Variants in SPTBN4 observed in about 807,000 individuals in gnomAD.
SPTBN4 encodes spectrin beta, non-erythrocytic 4.
In SPTBN4, 96 loss-of-function variants were observed where a neutral mutation model predicts 277.8. That is an observed-to-expected ratio of 0.35 (90% CI 0.29 to 0.41). SPTBN4 has a LOEUF of 0.41. SPTBN4 is among the 10% of genes least tolerant of loss of function. SPTBN4 has a pLI of 1.00. For missense variants in SPTBN4, 3,006 were observed against 3,595.7 expected, an observed-to-expected ratio of 0.84 and a Z score of 4.19; for synonymous variants, 1,481 against 1,580.3, an observed-to-expected ratio of 0.94 and a Z score of 1.49.
chr19:40,569,651 C>T lies in SPTBN4; in HGVS notation c.6957-6C>T. On this transcript the variant is annotated splice_region_variant and splice_polypyrimidine_tract_variant and intron_variant, in intron 31 of 35. Coordinates refer to ENST00000598249, the MANE Select transcript of SPTBN4 (RefSeq NM_020971.3). ...TCACTGGGTCTTTCTGTCCCCCATC[C>T]CCCAGGAAGGCCACCCTGGCTGACA... 4.3e-6 allele frequency: 7 copies of T among 1,612,316 alleles called. No individual in the cohort carries two copies. Among genetic ancestry groups the T allele is most frequent in the Non-Finnish European group, 5.9e-6 (7 of 1,179,350 alleles).
At chr19:40,488,629 G>GGTTT (rs751151203) in intron 3 of SPTBN4, among the ~76,000 whole-genome samples, 25 of 152,088 alleles carry the variant, frequency 1.6e-4, no homozygotes, top group Admixed American at 3.3e-4. Context: ...CCGTCTCTAC[G>GGTTT]GTTTGTTTGT....
At chr19:40,524,387 G>A in intron 17 of SPTBN4, among the ~76,000 whole-genome samples, 1 of 151,628 alleles carries the variant, frequency 6.6e-6, no homozygotes, top group Non-Finnish European at 1.5e-5. Flanking sequence ...CGTGCCTGTA[G>A]TCCCAGCTAC....
intron 22 of SPTBN4, among the ~76,000 whole-genome samples, chr19:40,553,168 AG>A (rs1334547585): frequency 6.6e-6 from 1 of 152,230 alleles, no homozygotes; most frequent in Admixed American, 6.5e-5. Context: ...GGCAGGTAGC[AG>A]GGTAGCAGAC....
intron 18 of SPTBN4, among the ~76,000 whole-genome samples, chr19:40,530,328 G>A (rs2080649527): frequency 6.6e-6 from 1 of 152,040 alleles, no homozygotes; most frequent in Non-Finnish European, 1.5e-5. Context: ...ATCTGAGATG[G>A]CGCAGAAGCC....
At chr19:40,552,896 C>A (rs4332846) in intron 22 of SPTBN4, among the ~76,000 whole-genome samples, 92,462 of 151,916 alleles carry the variant, frequency 0.61, 29,226 homozygotes, top group African/African-American at 0.7. Flanking sequence ...GCTGTTAAGC[C>A]AAAAATAGCT....
chr19:40,538,146 T>C (rs916069849), intron 20 of SPTBN4, among the ~76,000 whole-genome samples: 1 of 152,034 alleles, frequency 6.6e-6, no homozygotes, highest in Non-Finnish European at 1.5e-5. Context: ...CCCAGCACTT[T>C]GGGAGGCCAA....
Position 40,502,739 on chromosome 19 carries a change from T to A in SPTBN4, c.1204-36T>A. The A allele has an allele frequency of 6.2e-7, 1 of 1,606,714 alleles. No homozygotes were observed. Among genetic ancestry groups the A allele is most frequent in the South Asian group, 1.1e-5 (1 of 90,224 alleles). ...TCAAGACCATTAAACTGTGGGGAGC[T>A]GTCAGAGTCTGAGTGCCTCCTCCCA... On this transcript the variant is annotated intron_variant, in intron 10 of 35. Transcript: ENST00000598249. The surrounding 1 kb of genome is among the most constrained non-coding windows in gnomAD (Gnocchi z 4.9).
At chr19:40,563,804 G>A (rs909804110) in intron 27 of SPTBN4, among the ~76,000 whole-genome samples, 8 of 146,906 alleles carry the variant, frequency 5.4e-5, no homozygotes, top group African/African-American at 2.0e-4. Context: ...AGATTGGGAG[G>A]CTAAGGCAGG....
intron 20 of SPTBN4, among the ~76,000 whole-genome samples, chr19:40,544,303 C>T (rs1035742524): frequency 4.0e-5 from 6 of 150,212 alleles, no homozygotes; most frequent in Admixed American, 2.7e-4. Context: ...CCACAATGCC[C>T]GGCTAATTTT....
At position 40,557,023 on chromosome 19, in the gene SPTBN4, G is replaced by T; in HGVS notation, c.5290G>T (p.Val1764Leu). 6.6e-7 allele frequency: 1 copy of T among 1,521,386 alleles called. No homozygotes were observed. Among genetic ancestry groups the T allele is most frequent in the Non-Finnish European group, 8.9e-7 (1 of 1,126,332 alleles). 94.2% of individuals were successfully genotyped at this position (1,521,386 alleles called of 1,614,324 possible). A position where few individuals can be genotyped will look rare whatever the true frequency, so the allele number is the denominator to read the frequency against. ...CCCCCCCCCCACTTCCTGATGGCAG[G>T]TGCTGCAGGAGAAATTCTCAGAGTT... is the stretch of plus-strand genomic sequence containing the variant. ...ELGQDFEHVSVLQEKFSEFAS... is the reference protein window; with the variant it reads ...ELGQDFEHVSLLQEKFSEFAS... Residue 1764 changes from valine (V) to leucine (L), a missense_variant and splice_region_variant, in exon 26 of 36, where the codon GTG becomes TTG. Physicochemically the swap from Val to Leu is conservative, Grantham distance 32. Coordinates refer to ENST00000598249, the MANE Select transcript of SPTBN4 (RefSeq NM_020971.3).
intron 1 of SPTBN4, among the ~76,000 whole-genome samples, chr19:40,469,078 G>A (rs1026714089): frequency 6.6e-6 from 1 of 151,252 alleles, no homozygotes; most frequent in Non-Finnish European, 1.5e-5. Flanking sequence ...TAGCCTGGGT[G>A]ATAGAGCAAT....
At chr19:40,469,495 C>G (rs1288291080) in intron 1 of SPTBN4, among the ~76,000 whole-genome samples, 3 of 151,734 alleles carry the variant, frequency 2.0e-5, no homozygotes, top group African/African-American at 7.3e-5. Context: ...GAACTCCTGA[C>G]CTCGTGATCC....
chr19:40,493,187 C>A, intron 5 of SPTBN4, 133 bp downstream of exon 5: 1 of 692,520 alleles, frequency 1.4e-6, no homozygotes, highest in Non-Finnish European at 2.5e-6. Flanking sequence ...AACTAACCAG[C>A]TGGTAAATAA....
rs771588563 is a variant in SPTBN4, at chr19:40,523,480, C to G, written c.3698C>G (p.Ser1233Trp). The G allele has an allele frequency of 3.7e-6, 6 of 1,612,954 alleles. No individual in the cohort carries two copies. The highest frequency in any genetic ancestry group is 3.3e-5 in the South Asian group (3 of 90,748). ...GCGGAGCTCCCGGGCACAGTGGAATCGGTGGAGGAGGCCTTGAAACAGCAC... is the reference window on the plus strand; with the variant it reads ...GCGGAGCTCCCGGGCACAGTGGAATGGGTGGAGGAGGCCTTGAAACAGCAC... ...SGAELPGTVE[S>W]VEEALKQHRD... The change falls in exon 17 of 36, where the codon TCG (serine) becomes TGG (tryptophan). Residue 1233 changes from serine to tryptophan, a missense_variant. Ser to Trp is a radical substitution (Grantham distance 177, BLOSUM62 -3). Around this residue, in one of 5 missense-constraint regions of SPTBN4, gnomAD observed 1,759 missense variants for 2,061.5 expected, o/e 0.85. Transcript: ENST00000598249.
At chr19:40,566,099 AGCCATT>A in intron 29 of SPTBN4, 58 bp from the exon 30 acceptor site, 1 of 1,430,110 alleles carries the variant, frequency 7.0e-7, no homozygotes, top group Non-Finnish European at 9.3e-7. Context: ...CCAGGGGAAC[AGCCATT>A]GCCCCCAGGA....
At chr19:40,549,535 C>T in intron 21 of SPTBN4, 122 bp downstream of exon 21, 1 of 736,340 alleles carries the variant, frequency 1.4e-6, no homozygotes, top group Non-Finnish European at 2.1e-6. Flanking sequence ...CTGAAAGACG[C>T]ATTCAGCCGT....
At chr19:40,532,836 C>T (rs1031569425) in intron 19 of SPTBN4, 65 bp downstream of exon 19, 47 of 1,511,220 alleles carry the variant, frequency 3.1e-5, no homozygotes, top group Non-Finnish European at 3.9e-5. Context: ...GCCCACGTCT[C>T]ACCTGCTGCA....
At chr19:40,574,412 A>C (rs2081182340) in intron 35 of SPTBN4, among the ~76,000 whole-genome samples, 1 of 149,996 alleles carries the variant, frequency 6.7e-6, no homozygotes, top group African/African-American at 2.5e-5. Context: ...CCCAGGCTGG[A>C]GTGCCATGGC....
At chr19:40,498,410 TTTATTTA>T (rs1425996090) in intron 7 of SPTBN4, among the ~76,000 whole-genome samples, 46 of 150,270 alleles carry the variant, frequency 3.1e-4, no homozygotes, top group African/African-American at 5.4e-4. Flanking sequence ...TATTTATTTA[TTTATTTA>T]TTTTTTTAGA....
Sources: allele counts gnomAD v4.1 joint callset (sites outside exome capture counted in the v4.1 genomes callset), GRCh38; gene constraint gnomAD v4.1.1; regional missense constraint gnomAD v4.1.1; non-coding constraint Gnocchi (gnomAD v3.1); transcripts MANE v1.5; gene names NCBI Gene and HGNC (gene_info 2026-07-23, HGNC 2026-07-21).